The following UBASH3A variants were observed in gnomAD, a reference collection of about 807,000 sequenced individuals.
The protein encoded by UBASH3A is ubiquitin associated and SH3 domain containing A.
In UBASH3A, 63 loss-of-function variants were observed where a neutral mutation model predicts 73.5. The ratio of observed to expected loss-of-function variants is 0.86; its 90% CI spans 0.70 to 1.06. UBASH3A has a LOEUF of 1.06. Ranked by LOEUF, UBASH3A falls within the 50% of genes least tolerant of loss-of-function variation. The probability of loss-of-function intolerance (pLI) is 0.00; values close to 1 mark genes in which losing one functional copy is unlikely to be tolerated. For missense variants in UBASH3A, 860 were observed against 859.0 expected (o/e 1.00, Z -0.02); for synonymous variants, 363 against 351.1 (o/e 1.03, Z -0.38).
At chr21:42,421,693 T>G (rs770932066) in intron 7 of UBASH3A, among the ~76,000 whole-genome samples, 1 of 152,242 alleles carries the variant, frequency 6.6e-6, no homozygotes, top group Non-Finnish European at 1.5e-5. Context: ...ATTGTGACGT[T>G]TTATTTGAGT....
At chr21:42,415,098 G>A (rs2053175671) in intron 5 of UBASH3A, among the ~76,000 whole-genome samples, 1 of 152,158 alleles carries the variant, frequency 6.6e-6, no homozygotes, top group Admixed American at 6.5e-5. Context: ...GGTCCCTCTT[G>A]GGGCAAATGC....
At chr21:42,420,285 C>T (rs1024814894) in intron 7 of UBASH3A, among the ~76,000 whole-genome samples, 1 of 152,160 alleles carries the variant, frequency 6.6e-6, no homozygotes, top group Non-Finnish European at 1.5e-5. Flanking sequence ...TAAATCATCT[C>T]TAGATTACTT....
In UBASH3A at chr21:42,444,651, C is replaced by G. The variant is rs750223505; in HGVS notation, c.1848+8C>G. 1 of 1,601,946 alleles carries G rather than the reference C, an allele frequency of 6.2e-7. No individual in the cohort carries two copies. Among genetic ancestry groups the G allele is most frequent in the South Asian group, 1.1e-5 (1 of 90,830 alleles). On this transcript the variant is annotated splice_region_variant and intron_variant, in intron 14 of 14. Transcript: ENST00000319294. ...GCCCAACTCGTGAGAAAGGTACGCG[C>G]CCACTCTTGGCTCTTTGGGCCACAA...
chr21:42,437,532 G>A lies in UBASH3A; in HGVS notation c.1438G>A (p.Ala480Thr). The A allele has an allele frequency of 6.2e-7, 1 of 1,614,246 alleles. No individual in the cohort carries two copies. Among genetic ancestry groups the A allele is most frequent in the Non-Finnish European group, 8.5e-7 (1 of 1,180,036 alleles). Residue 480 changes from alanine to threonine, a missense_variant, in exon 11 of 15, where the codon GCC becomes ACC. Physicochemically the swap from Ala to Thr is moderately conservative, Grantham distance 58 (BLOSUM62 0). Coordinates refer to ENST00000319294, the MANE Select transcript of UBASH3A (RefSeq NM_018961.4). The stretch of plus-strand genomic sequence containing the variant: ...TGGTATCAGAATCAGCTCTGTGTTT[G>A]CCTCCCCAGCCCTCCGCTGTGTGCA... The part of the protein sequence containing the change: ...DSGIRISSVF[A>T]SPALRCVQTA...
rs1169384332 is a variant in UBASH3A at position 42,413,422 on chromosome 21, C to T, written c.566C>T (p.Ser189Phe). ...TGTCCTCACCCAGGCACTTCCGTTT[C>T]CCGCTTCTGGATTTTCAGCCAGGTG... is the stretch of plus-strand genomic sequence containing the variant. Reference protein sequence around the residue: ...EASLLAGTSVSRFWIFSQVPG... With the variant: ...EASLLAGTSVFRFWIFSQVPG... The change falls in exon 5 of 15, where the codon TCC becomes TTC. Residue 189 changes from serine to phenylalanine, a missense_variant. Ser to Phe is a radical substitution (Grantham distance 155). Coordinates refer to ENST00000319294, the MANE Select transcript of UBASH3A (RefSeq NM_018961.4). This position sits in a 1 kb window ranked among gnomAD's most constrained non-coding sequence, Gnocchi z 4.5. 1.2e-6 allele frequency: 2 copies of T among 1,613,390 alleles called. No homozygotes were observed. The highest frequency in any genetic ancestry group is 2.2e-5 in the East Asian group (1 of 44,902).
chr21:42,440,397 G>A (rs1233273025), intron 11 of UBASH3A, among the ~76,000 whole-genome samples: 1 of 152,198 alleles, frequency 6.6e-6, no homozygotes, highest in Non-Finnish European at 1.5e-5. Flanking sequence ...TGGTTGTTTA[G>A]GATCAATGTA....
intron 7 of UBASH3A, among the ~76,000 whole-genome samples, chr21:42,422,717 A>T (rs1027256266): frequency 6.6e-6 from 1 of 152,266 alleles, no homozygotes; most frequent in Non-Finnish European, 1.5e-5. Flanking sequence ...AAAAATATGC[A>T]AGATTTATTG....
intron 10 of UBASH3A, among the ~76,000 whole-genome samples, chr21:42,435,892 T>C (rs140599877): frequency 1.2e-3 from 178 of 151,560 alleles, no homozygotes; most frequent in African/African-American, 3.9e-3. Flanking sequence ...TGTAGAGTTA[T>C]AGAGTTATAG....
chr21:42,430,415 C>T (rs1484886087), intron 8 of UBASH3A, among the ~76,000 whole-genome samples: 1 of 152,160 alleles, frequency 6.6e-6, no homozygotes, highest in African/African-American at 2.4e-5. Flanking sequence ...TTTATGCAGA[C>T]AAGGCTTACC....
At chr21:42,408,383 A>C (rs2053021120) in intron 2 of UBASH3A, among the ~76,000 whole-genome samples, 1 of 152,202 alleles carries the variant, frequency 6.6e-6, no homozygotes, top group African/African-American at 2.4e-5. Context: ...ATAACCTTCT[A>C]ACTTTCTTCT....
rs760124465 is a variant in UBASH3A, at chr21:42,447,219, C to CGTG, written c.*25_*26insGTG. The CGTG allele has an allele frequency of 6.2e-7, 1 of 1,609,020 alleles. No individual in the cohort carries two copies. The highest frequency in any genetic ancestry group is 8.5e-7 in the Non-Finnish European group (1 of 1,177,980). On this transcript the variant is annotated 3_prime_UTR_variant, in exon 15 of 15. Transcript: ENST00000319294. ...AGAGCCACGGTGATGTTGTCATAAC[C>CGTG]TCAGAGTGGAGAGGCAGAAACCATG...
At chr21:42,435,046 C>T in intron 10 of UBASH3A, 92 bp downstream of exon 10, 1 of 1,472,158 alleles carries the variant, frequency 6.8e-7, no homozygotes, top group Non-Finnish European at 9.3e-7. Flanking sequence ...TAGCTACACA[C>T]CCTTTGATAC....
intron 12 of UBASH3A, 159 bp from the exon 13 acceptor site, chr21:42,443,153 G>A (rs2053778387): frequency 7.2e-7 from 1 of 1,396,516 alleles, no homozygotes; most frequent in Non-Finnish European, 9.3e-7. Context: ...TGCTTTGCCA[G>A]TTTTCAGCAC....
At chr21:42,424,707 G>A (rs1449816883) in intron 7 of UBASH3A, among the ~76,000 whole-genome samples, 1 of 152,184 alleles carries the variant, frequency 6.6e-6, no homozygotes, top group East Asian at 1.9e-4. Flanking sequence ...CATAAGAAAG[G>A]TACAATTAAG....
At chr21:42,432,527 G>C (rs17114915) in intron 9 of UBASH3A, among the ~76,000 whole-genome samples, 9,766 of 152,018 alleles carry the variant, frequency 0.064, 546 homozygotes, top group African/African-American at 0.14. Context: ...CAGGAAGTAA[G>C]AATAGTGCTT....
chr21:42,443,343 G>A lies in UBASH3A; in HGVS notation c.1663G>A (p.Ala555Thr). 1 of 1,612,894 alleles carries A rather than the reference G, an allele frequency of 6.2e-7. No individual in the cohort carries two copies. Residue 555 changes from alanine to threonine, a missense_variant, in exon 13 of 15, where the codon GCC becomes ACC. Physicochemically the swap from Ala to Thr is moderately conservative, Grantham distance 58 (BLOSUM62 0). Coordinates refer to ENST00000319294, the MANE Select transcript of UBASH3A (RefSeq NM_018961.4). ...PAFPLSALMP[A>T]ESYQEYMDRC... The stretch of plus-strand genomic sequence containing the variant: ...GTTTCCCCTGTCCGCCCTCATGCCG[G>A]CCGAGAGCTACCAGGAGTACATGGA...
intron 12 of UBASH3A, 119 bp from the exon 13 acceptor site, chr21:42,443,193 C>A (rs947333778): frequency 1.4e-6 from 2 of 1,420,696 alleles, no homozygotes; most frequent in Admixed American, 2.9e-5. Context: ...TGACCATGAG[C>A]CTGCCTTGAG....
At chr21:42,415,648 C>G (rs2053186762) in intron 5 of UBASH3A, among the ~76,000 whole-genome samples, 1 of 152,210 alleles carries the variant, frequency 6.6e-6, no homozygotes, top group African/African-American at 2.4e-5. Flanking sequence ...CCACTGCAGC[C>G]TTGGCGAGCA....
intron 6 of UBASH3A, among the ~76,000 whole-genome samples, chr21:42,417,198 G>A (rs2053228509): frequency 6.6e-6 from 1 of 152,008 alleles, no homozygotes; most frequent in Non-Finnish European, 1.5e-5. Flanking sequence ...TGAGGCAGGT[G>A]GATCACTTCA....
Sources: gnomAD v4.1 joint callset for allele counts (sites outside exome capture counted in the v4.1 genomes callset) on GRCh38, gnomAD v4.1.1 for gene constraint, Gnocchi (gnomAD v3.1) non-coding constraint, MANE v1.5 for transcripts, NCBI Gene and HGNC (gene_info 2026-07-23, HGNC 2026-07-21) for gene names.